ZMIZ1: variants seen among roughly 807,000 people sequenced by gnomAD.
ZMIZ1 encodes the protein zinc finger MIZ-type containing 1.
Under a neutral mutation model 113.9 loss-of-function variants are expected in ZMIZ1, and 17 were observed. The ratio of observed to expected loss-of-function variants is 0.15; its 90% CI spans 0.10 to 0.22. ZMIZ1 has a LOEUF of 0.22. Ranked by LOEUF, ZMIZ1 falls within the 10% of genes least tolerant of loss-of-function variation. The probability of loss-of-function intolerance (pLI) is 1.00; values close to 1 mark genes in which losing one functional copy is unlikely to be tolerated. For missense variants in ZMIZ1, 1,059 were observed against 1,477.8 expected (o/e 0.72, Z 4.65); for synonymous variants, 607 against 603.1 (o/e 1.01, Z -0.09).
At chr10:79,197,956 T>G (rs920480898) in intron 4 of ZMIZ1, among the ~76,000 whole-genome samples, 1 of 152,102 alleles carries the variant, frequency 6.6e-6, no homozygotes, top group African/African-American at 2.4e-5. Context: ...CCCCGCACAG[T>G]GTCGTTATTA....
At chr10:79,195,904 T>A (rs1030457142) in intron 4 of ZMIZ1, among the ~76,000 whole-genome samples, 7 of 152,180 alleles carry the variant, frequency 4.6e-5, no homozygotes, top group Non-Finnish European at 8.8e-5. Context: ...CTGAGCCTTT[T>A]AAGGATGAAG....
At chr10:79,201,537 G>T in intron 4 of ZMIZ1, 47 bp from the exon 5 acceptor site, 1 of 1,423,746 alleles carries the variant, frequency 7.0e-7, no homozygotes, top group Non-Finnish European at 9.7e-7. Flanking sequence ...GCTCAAGGTT[G>T]GCAGGCCTGG....
intron 2 of ZMIZ1, among the ~76,000 whole-genome samples, chr10:79,139,280 G>A (rs558490376): frequency 1.1e-3 from 170 of 152,112 alleles, no homozygotes; most frequent in Admixed American, 5.9e-4. Flanking sequence ...AGCCAGGCAC[G>A]GCGCAGAGAG....
At chr10:79,210,429 GC>G (rs1450761077) in intron 6 of ZMIZ1, among the ~76,000 whole-genome samples, 1 of 152,248 alleles carries the variant, frequency 6.6e-6, no homozygotes, top group Non-Finnish European at 1.5e-5. Context: ...GGGCTGGCCT[GC>G]CAGGGGGAGC....
chr10:79,119,498 C>G (rs1026695405), intron 2 of ZMIZ1, among the ~76,000 whole-genome samples: 10 of 152,210 alleles, frequency 6.6e-5, no homozygotes, highest in African/African-American at 2.4e-4. Context: ...GTCACTCACT[C>G]AGGAAGTAAC....
intron 7 of ZMIZ1, among the ~76,000 whole-genome samples, chr10:79,247,856 TC>T (rs1850301600): frequency 6.6e-6 from 1 of 152,220 alleles, no homozygotes; most frequent in Admixed American, 6.5e-5. Context: ...GAATCATGGC[TC>T]CCAACACTAG....
chr10:79,223,171 C>T (rs1477362930), intron 7 of ZMIZ1, among the ~76,000 whole-genome samples: 2 of 152,250 alleles, frequency 1.3e-5, no homozygotes, highest in African/African-American at 4.8e-5. Context: ...TCAGGGACAC[C>T]CTGCCAGAGC....
chr10:79,136,566 A>T (rs1845018136), intron 2 of ZMIZ1, among the ~76,000 whole-genome samples: 1 of 152,204 alleles, frequency 6.6e-6, no homozygotes. Context: ...TGGTCACTTG[A>T]GGGAGGTGGA....
chr10:79,082,027 A>G (rs1448162529), intron 1 of ZMIZ1, among the ~76,000 whole-genome samples: 6 of 152,264 alleles, frequency 3.9e-5, no homozygotes, highest in Non-Finnish European at 4.4e-5. Flanking sequence ...TGTTCCCACC[A>G]TCTAGCCAGT....
intron 4 of ZMIZ1, among the ~76,000 whole-genome samples, chr10:79,184,239 A>G (rs565591357): frequency 6.6e-6 from 1 of 152,228 alleles, no homozygotes; most frequent in Admixed American, 6.5e-5. Context: ...ACCATCAGGG[A>G]CAGAAAGCGC....
In ZMIZ1 at chr10:79,069,760, G is replaced by T. The variant is rs1212124205; in HGVS notation, c.-337+490G>T. ...CTGGATTTCAGGATGGCAAGGGGTG[G>T]TGGTGTTAACTTGTGCGTCTGAATT... On this transcript the variant is annotated intron_variant, in intron 1 of 24. Coordinates refer to ENST00000334512, the MANE Select transcript of ZMIZ1 (RefSeq NM_020338.4). The surrounding 1 kb of genome is among the most constrained non-coding windows in gnomAD (Gnocchi z 4.6). Among the ~76,000 whole-genome samples the T allele has an allele frequency of 7.2e-5, 11 of 152,216 alleles. No individual in the cohort carries two copies. The highest frequency in any genetic ancestry group is 1.5e-4 in the Non-Finnish European group (10 of 68,044).
intron 7 of ZMIZ1, among the ~76,000 whole-genome samples, chr10:79,260,471 C>A (rs75206876): frequency 1.3e-5 from 2 of 152,208 alleles, no homozygotes; most frequent in East Asian, 3.9e-4. Flanking sequence ...CTGTCCAGGA[C>A]GAGAACCTTC....
Position 79,289,847 on chromosome 10 carries a change from G to A in ZMIZ1, c.498G>A (p.Val166=). Residue 166 remains valine (V), a synonymous_variant, in exon 9 of 25, where the codon GTG becomes GTA. Coordinates refer to ENST00000334512, the MANE Select transcript of ZMIZ1 (RefSeq NM_020338.4). ...NTNQPPGSLS[V]VTTVWGVTNT... is the part of the protein sequence containing the mutation. ...ACCAGCCTCCCGGCTCCCTTTCCGT[G>A]GTCACCACGGTTTGGGGAGTAACCA... 6.2e-7 allele frequency: 1 copy of A among 1,614,080 alleles called. No homozygotes were observed. Among genetic ancestry groups the A allele is most frequent in the Non-Finnish European group, 8.5e-7 (1 of 1,179,938 alleles).
At chr10:79,071,232 A>G (rs1353562603) in intron 1 of ZMIZ1, among the ~76,000 whole-genome samples, 1 of 152,198 alleles carries the variant, frequency 6.6e-6, no homozygotes, top group Non-Finnish European at 1.5e-5. Flanking sequence ...TTCTTGAGCA[A>G]CAGTTTGTCT....
chr10:79,292,152 CT>C lies in ZMIZ1; in HGVS notation c.759-5del. 1 of 1,605,076 alleles carries C rather than the reference CT, an allele frequency of 6.2e-7. No individual in the cohort carries two copies. Among genetic ancestry groups the C allele is most frequent in the Non-Finnish European group, 8.5e-7 (1 of 1,174,578 alleles). On this transcript the variant is annotated splice_polypyrimidine_tract_variant and splice_region_variant and intron_variant, in intron 10 of 24. Coordinates refer to ENST00000334512, the MANE Select transcript of ZMIZ1 (RefSeq NM_020338.4). ...ACCTAACTCTTCCACCCTTCTCCCCCTGCAGTTACCCTGGGGGTCCTAACGC... is the reference window on the plus strand; with the variant it reads ...ACCTAACTCTTCCACCCTTCTCCCCCGCAGTTACCCTGGGGGTCCTAACGC...
chr10:79,159,642 A>C (rs1197558252), intron 3 of ZMIZ1, among the ~76,000 whole-genome samples: 1 of 152,150 alleles, frequency 6.6e-6, no homozygotes, highest in African/African-American at 2.4e-5. Context: ...ACAGCGTTTC[A>C]CTGAGTGCTA....
At chr10:79,204,456 C>G (rs1443811235) in intron 5 of ZMIZ1, among the ~76,000 whole-genome samples, 2 of 152,198 alleles carry the variant, frequency 1.3e-5, no homozygotes, top group African/African-American at 4.8e-5. Context: ...CAGCAGCTGC[C>G]CTGAACCCCA....
intron 24 of ZMIZ1, among the ~76,000 whole-genome samples, chr10:79,311,759 T>C (rs1855184386): frequency 6.6e-6 from 1 of 151,980 alleles, no homozygotes; most frequent in African/African-American, 2.4e-5. Context: ...GTGCCAGGGC[T>C]CCTACCCTGA....
chr10:79,263,694 C>G (rs1851402510), intron 7 of ZMIZ1, among the ~76,000 whole-genome samples: 1 of 151,990 alleles, frequency 6.6e-6, no homozygotes, highest in African/African-American at 2.4e-5. Flanking sequence ...GCAGGAAAAA[C>G]CAAGGGCTTG....
Sources: gnomAD v4.1 joint callset for allele counts (sites outside exome capture counted in the v4.1 genomes callset) on GRCh38, gnomAD v4.1.1 for gene constraint, Gnocchi (gnomAD v3.1) non-coding constraint, MANE v1.5 for transcripts, NCBI Gene and HGNC (gene_info 2026-07-23, HGNC 2026-07-21) for gene names.